RAB38: variants seen among roughly 807,000 people sequenced by gnomAD.
The protein encoded by RAB38 is ras-related protein Rab-38.
RAB38 carries 15 observed loss-of-function variants against 18.4 expected under a neutral mutation model. The ratio of observed to expected loss-of-function variants is 0.82; its 90% CI spans 0.55 to 1.26. The LOEUF (loss-of-function observed/expected upper bound fraction) is 1.26. Ranked by LOEUF, RAB38 falls within the 50% of genes most tolerant of loss-of-function variation. RAB38 has a pLI of 0.00. For synonymous variants in RAB38, 101 were observed against 104.4 expected (o/e 0.97, Z 0.20); for missense variants, 294 against 267.4 (o/e 1.10, Z -0.69).
intron 1 of RAB38, among the ~76,000 whole-genome samples, chr11:88,171,032 T>C (rs1463767819): frequency 6.6e-6 from 1 of 152,174 alleles, no homozygotes; most frequent in Non-Finnish European, 1.5e-5. Flanking sequence ...GGTTTAGGAC[T>C]ATCTGCTTGT....
At chr11:87,840,616 TAA>T in the RAB38 span, among the ~76,000 whole-genome samples, 4 of 152,318 alleles carry the variant, frequency 2.6e-5, no homozygotes, top group Middle Eastern at 3.4e-3. Context: ...CCCAGTGATA[TAA>T]GTCTATTTTA....
intron 1 of RAB38, among the ~76,000 whole-genome samples, chr11:88,162,202 C>T (rs537579445): frequency 1.3e-5 from 2 of 152,200 alleles, no homozygotes; most frequent in Admixed American, 6.5e-5. Context: ...GGTTCAGAAA[C>T]ACTTTCATCT....
the RAB38 span, among the ~76,000 whole-genome samples, chr11:87,915,736 T>C: frequency 6.6e-5 from 10 of 152,280 alleles, no homozygotes; most frequent in African/African-American, 2.4e-4. Context: ...TTGCTTTCAC[T>C]TTACTCTATG....
At chr11:88,146,925 G>A (rs920659438) in intron 2 of RAB38, among the ~76,000 whole-genome samples, 4 of 152,154 alleles carry the variant, frequency 2.6e-5, no homozygotes, top group African/African-American at 7.2e-5. Flanking sequence ...AGAGGGATTT[G>A]GAGGATTAGA....
chr11:87,827,288 T>A, the RAB38 span, among the ~76,000 whole-genome samples: 1 of 151,924 alleles, frequency 6.6e-6, no homozygotes, highest in African/African-American at 2.4e-5. Context: ...ATTTTTATTT[T>A]TATTATTTTT....
At chr11:88,120,023 G>T (rs368569038) in intron 2 of RAB38, among the ~76,000 whole-genome samples, 1 of 152,144 alleles carries the variant, frequency 6.6e-6, no homozygotes. Flanking sequence ...TAGTGTAGTG[G>T]ACACCTGTCT....
chr11:88,053,213 TACACACATATATATGGAATATATATATAC>T, the RAB38 span, among the ~76,000 whole-genome samples: 1 of 90,816 alleles, frequency 1.1e-5, no homozygotes, highest in Non-Finnish European at 2.2e-5. Context: ...AATATATATA[TACACACATATATATGGAATATATATATAC>T]ACACATATAT....
At chr11:87,899,969 T>TC in the RAB38 span, among the ~76,000 whole-genome samples, 1 of 151,382 alleles carries the variant, frequency 6.6e-6, no homozygotes, top group East Asian at 2.0e-4. Flanking sequence ...GTTTTTTTTT[T>TC]CCCCATAGTC....
the RAB38 span, among the ~76,000 whole-genome samples, chr11:88,007,588 C>T: frequency 5.3e-5 from 8 of 151,800 alleles, no homozygotes; most frequent in South Asian, 2.1e-4. Context: ...ATAAAAATAA[C>T]GAAAACATCA....
chr11:87,859,573 G>A, the RAB38 span, among the ~76,000 whole-genome samples: 1 of 151,978 alleles, frequency 6.6e-6, no homozygotes, highest in African/African-American at 2.4e-5. Flanking sequence ...ACCTTTAAAT[G>A]GCCTGGCAAT....
the RAB38 span, among the ~76,000 whole-genome samples, chr11:87,811,501 A>G: frequency 3.9e-5 from 6 of 152,072 alleles, no homozygotes; most frequent in Admixed American, 2.0e-4. Flanking sequence ...TTCCATCCCT[A>G]TTTTTAAGAA....
the RAB38 span, among the ~76,000 whole-genome samples, chr11:87,913,326 T>C: frequency 6.6e-6 from 1 of 152,132 alleles, no homozygotes; most frequent in Non-Finnish European, 1.5e-5. Context: ...TAATTGTGAA[T>C]TTGCTTATTA....
intron 1 of RAB38, among the ~76,000 whole-genome samples, chr11:88,161,041 A>G: frequency 6.6e-6 from 1 of 152,078 alleles, no homozygotes. Context: ...CCACTATCAA[A>G]AGGTAAATCT....
chr11:88,006,826 T>C, the RAB38 span, among the ~76,000 whole-genome samples: 13 of 151,276 alleles, frequency 8.6e-5, no homozygotes, highest in Admixed American at 1.3e-4. Flanking sequence ...GAGAGTAGAA[T>C]AGTGGTTATC....
the RAB38 span, among the ~76,000 whole-genome samples, chr11:87,881,452 T>C: frequency 6.6e-6 from 1 of 151,924 alleles, no homozygotes; most frequent in Non-Finnish European, 1.5e-5. Context: ...TTTTAATTTT[T>C]ACCCATATCT....
intron 1 of RAB38, among the ~76,000 whole-genome samples, chr11:88,155,724 C>A (rs1214061582): frequency 6.6e-6 from 1 of 152,122 alleles, no homozygotes; most frequent in African/African-American, 2.4e-5. Flanking sequence ...ATAAAGAATT[C>A]AAATCATGGA....
At chr11:88,099,240 A>C in the RAB38 span, among the ~76,000 whole-genome samples, 1 of 151,938 alleles carries the variant, frequency 6.6e-6, no homozygotes, top group African/African-American at 2.4e-5. Flanking sequence ...AATATGTAAA[A>C]AATGCAATAA....
chr11:87,922,345 A>G, the RAB38 span, among the ~76,000 whole-genome samples: 2 of 152,046 alleles, frequency 1.3e-5, no homozygotes, highest in Admixed American at 1.3e-4. Flanking sequence ...TAATTAAAAA[A>G]TACAAGCTAC....
At chr11:87,828,619 A>T in the RAB38 span, among the ~76,000 whole-genome samples, 1 of 152,182 alleles carries the variant, frequency 6.6e-6, no homozygotes, top group Non-Finnish European at 1.5e-5. Flanking sequence ...CTCAGAGGGC[A>T]AGTGCTGGAC....
Sources: gnomAD v4.1 joint callset for allele counts (sites outside exome capture counted in the v4.1 genomes callset) on GRCh38, gnomAD v4.1.1 for gene constraint, MANE v1.5 for transcripts, NCBI Gene and HGNC (gene_info 2026-07-23, HGNC 2026-07-21) for gene names.